Variants in TDRD5 observed in about 807,000 individuals in gnomAD.
TDRD5 encodes the protein tudor domain-containing protein 5.
TDRD5 carries 41 observed loss-of-function variants against 120.6 expected under a neutral mutation model. The observed-to-expected ratio is 0.34, with a 90% confidence interval of 0.26 to 0.44. The LOEUF is 0.44. TDRD5 is among the 20% of genes least tolerant of loss of function. The pLI is 1.00. For synonymous variants in TDRD5, 430 were observed against 433.7 expected, an observed-to-expected ratio of 0.99 and a Z score of 0.11; for missense variants, 1,006 against 1,221.2, an observed-to-expected ratio of 0.82 and a Z score of 2.63.
chr1:179,652,926 A>G (rs1483929807), intron 13 of TDRD5, among the ~76,000 whole-genome samples: 1 of 152,212 alleles, frequency 6.6e-6, no homozygotes, highest in East Asian at 1.9e-4. Flanking sequence ...CTATGCATAT[A>G]ATGTATATAT....
rs1001549068 is a variant in TDRD5 at position 179,651,140 on chromosome 1, T to C, written c.2001+73T>C. 3.3e-6 allele frequency: 5 copies of C among 1,493,834 alleles called. No homozygotes were observed. In the Admixed American group the frequency reaches 7.9e-5, roughly 24 times the overall value. The allele number at this position is 1,493,834 out of a possible 1,614,324, so 92.5% of individuals were successfully genotyped here. A position where few individuals can be genotyped will look rare whatever the true frequency, so the allele number is the denominator to read the frequency against. On this transcript the variant is annotated intron_variant, in intron 12 of 17. Transcript: ENST00000444136. ...CACGTCAAGGTATAAGATAATTTAA[T>C]AAAGAAGTTTATTTGGTTTATTCTT...
At chr1:179,630,203 T>C (rs1210698106) in intron 6 of TDRD5, among the ~76,000 whole-genome samples, 1 of 152,160 alleles carries the variant, frequency 6.6e-6, no homozygotes, top group Non-Finnish European at 1.5e-5. Flanking sequence ...TTCACCGTGT[T>C]AGCCAGGATG....
chr1:179,655,685 C>A (rs1678969270), intron 14 of TDRD5, among the ~76,000 whole-genome samples: 1 of 152,172 alleles, frequency 6.6e-6, no homozygotes, highest in Non-Finnish European at 1.5e-5. Context: ...TCAGGACTGT[C>A]ATGTAAGTAG....
At chr1:179,674,050 G>T (rs1679990464) in intron 17 of TDRD5, among the ~76,000 whole-genome samples, 1 of 151,982 alleles carries the variant, frequency 6.6e-6, no homozygotes, top group South Asian at 2.1e-4. Context: ...TCTTTCTCTT[G>T]TCTGATTGCT....
intron 17 of TDRD5, among the ~76,000 whole-genome samples, chr1:179,673,308 T>C (rs1433063656): frequency 6.6e-6 from 1 of 152,244 alleles, no homozygotes; most frequent in Admixed American, 6.5e-5. Context: ...TAGAAGTCTT[T>C]CACGTCTTGG....
intron 14 of TDRD5, 45 bp from the exon 15 acceptor site, chr1:179,662,059 G>T: frequency 6.8e-7 from 1 of 1,478,814 alleles, no homozygotes; most frequent in South Asian, 1.5e-5. Context: ...TGCTCATATA[G>T]GAACTATAAA....
chr1:179,644,481 G>GTAA (rs1238964133), intron 11 of TDRD5, among the ~76,000 whole-genome samples: 1 of 151,950 alleles, frequency 6.6e-6, no homozygotes, highest in Non-Finnish European at 1.5e-5. Context: ...TTGTTTATAT[G>GTAA]TAATACTCAT....
chr1:179,600,090 A>C (rs1321461695), intron 4 of TDRD5, among the ~76,000 whole-genome samples: 1 of 152,158 alleles, frequency 6.6e-6, no homozygotes, highest in Non-Finnish European at 1.5e-5. Flanking sequence ...AGGCATTGTT[A>C]TCATAGGTGA....
At chr1:179,677,510 G>C (rs576747742) in intron 17 of TDRD5, among the ~76,000 whole-genome samples, 1 of 152,230 alleles carries the variant, frequency 6.6e-6, no homozygotes, top group Non-Finnish European at 1.5e-5. Context: ...GGGATTCAAG[G>C]GCTGCTGTTC....
At chr1:179,634,170 C>A (rs1305817473) in intron 7 of TDRD5, among the ~76,000 whole-genome samples, 17 of 145,606 alleles carry the variant, frequency 1.2e-4, no homozygotes, top group South Asian at 2.2e-4. Context: ...GACTTCATCT[C>A]AAAAAACAAA....
At chr1:179,613,303 A>G (rs1676384274) in intron 4 of TDRD5, among the ~76,000 whole-genome samples, 1 of 152,150 alleles carries the variant, frequency 6.6e-6, no homozygotes, top group African/African-American at 2.4e-5. Context: ...TAATTAATGC[A>G]GTTCTCTGGG....
intron 11 of TDRD5, 148 bp downstream of exon 11, chr1:179,640,593 A>C: frequency 2.5e-6 from 2 of 807,300 alleles, no homozygotes; most frequent in South Asian, 1.8e-5. Flanking sequence ...ATAGACATGT[A>C]GACAAAAATT....
rs1466102009 is a variant in TDRD5 at position 179,690,815 on chromosome 1, T to C, written c.2980T>C (p.Cys994Arg). The C allele has an allele frequency of 6.2e-7, 1 of 1,614,254 alleles. No individual in the cohort carries two copies. Among genetic ancestry groups the C allele is most frequent in the Admixed American group, 1.7e-5 (1 of 60,036 alleles). ...DQLSLILSYE[C>R]QISQKLYIPR... ...GCTGTCTTTGATTTTGTCTTATGAG[T>C]GCCAGATTTCTCAGAAGCTCTACAT... Residue 994 changes from cysteine to arginine, a missense_variant, in exon 18 of 18, where the codon TGC becomes CGC. This residue lies in a region of TDRD5 where 403 missense variants were observed against 448.1 expected (regional missense o/e 0.90). Transcript: ENST00000444136.
chr1:179,596,436 C>T (rs1675394407), intron 4 of TDRD5, among the ~76,000 whole-genome samples: 1 of 152,246 alleles, frequency 6.6e-6, no homozygotes, highest in Admixed American at 6.5e-5. Context: ...AAATAAAAAA[C>T]AGAACATTTC....
chr1:179,612,975 A>G (rs1676365075), intron 4 of TDRD5, among the ~76,000 whole-genome samples: 1 of 150,452 alleles, frequency 6.6e-6, no homozygotes, highest in Non-Finnish European at 1.5e-5. Context: ...CATTCTACCT[A>G]TTCCCTGCCC....
intron 17 of TDRD5, among the ~76,000 whole-genome samples, chr1:179,670,597 C>T (rs1679812196): frequency 6.6e-6 from 1 of 152,032 alleles, no homozygotes. Flanking sequence ...TTAAATTTTG[C>T]CAGTCTGTTG....
intron 13 of TDRD5, 76 bp from the exon 14 acceptor site, chr1:179,654,125 C>A: frequency 7.8e-7 from 1 of 1,277,898 alleles, no homozygotes; most frequent in Non-Finnish European, 1.0e-6. Context: ...AACTTCCCCC[C>A]AAAATGTATA....
At chr1:179,690,486 ATTTAT>A (rs1206247563) in intron 17 of TDRD5, among the ~76,000 whole-genome samples, 1 of 152,150 alleles carries the variant, frequency 6.6e-6, no homozygotes, top group African/African-American at 2.4e-5. Context: ...TCCTGACAAG[ATTTAT>A]TTTATCTCAA....
At chr1:179,602,407 G>GT (rs202078910) in intron 4 of TDRD5, among the ~76,000 whole-genome samples, 13 of 151,868 alleles carry the variant, frequency 8.6e-5, no homozygotes, top group African/African-American at 2.2e-4. Context: ...GGGATTGCTT[G>GT]TTTTTTTTCT....
Sources: allele counts gnomAD v4.1 joint callset (sites outside exome capture counted in the v4.1 genomes callset), GRCh38; gene constraint gnomAD v4.1.1; regional missense constraint gnomAD v4.1.1; transcripts MANE v1.5; gene names NCBI Gene and HGNC (gene_info 2026-07-23, HGNC 2026-07-21).